CCNJL: variants seen among roughly 807,000 people sequenced by gnomAD.
CCNJL encodes cyclin-J-like protein.
In CCNJL, 33 loss-of-function variants were observed where a neutral mutation model predicts 33.4. The ratio of observed to expected loss-of-function variants is 0.99; its 90% CI spans 0.75 to 1.32. CCNJL has a LOEUF of 1.32. Ranked by LOEUF, CCNJL falls within the 40% of genes most tolerant of loss-of-function variation. The probability of loss-of-function intolerance (pLI) is 0.00; values close to 1 mark genes in which losing one functional copy is unlikely to be tolerated. For synonymous variants in CCNJL, 227 were observed against 220.9 expected (o/e 1.03, Z -0.24); for missense variants, 512 against 499.7 (o/e 1.02, Z -0.23).
intron 4 of CCNJL, among the ~76,000 whole-genome samples, chr5:160,257,848 AT>A (rs759060228): frequency 6.4e-3 from 904 of 140,678 alleles, no homozygotes; most frequent in Admixed American, 7.5e-3. Context: ...ACAATCACTG[AT>A]TTTTTTTTTT....
intron 3 of CCNJL, among the ~76,000 whole-genome samples, chr5:160,264,455 G>A (rs1159181869): frequency 1.3e-5 from 2 of 151,990 alleles, no homozygotes; most frequent in Non-Finnish European, 2.9e-5. Flanking sequence ...AGGTGAGGAT[G>A]ACCATGCATC....
At chr5:160,320,385 G>T (rs183350819) in intron 1 of CCNJL, among the ~76,000 whole-genome samples, 7 of 152,270 alleles carry the variant, frequency 4.6e-5, no homozygotes, top group South Asian at 4.2e-4. Flanking sequence ...GACACAATCT[G>T]GGGGGATAAG....
rs1261089040 is a variant in CCNJL at position 160,337,113 on chromosome 5, C to T, written n.206+2332G>A. ...CTGCCTCCTGGGCTCAAGCAATCCTCCCACCTCAGCCTTCTGAGTAGCTGG... is the reference window on the plus strand; with the variant it reads ...CTGCCTCCTGGGCTCAAGCAATCCTTCCACCTCAGCCTTCTGAGTAGCTGG... On this transcript the variant is annotated intron_variant and non_coding_transcript_variant, in intron 1 of 7. Transcript: ENST00000377503. Among the ~76,000 whole-genome samples, 3 of 150,534 alleles carry T rather than the reference C, an allele frequency of 2.0e-5. No homozygotes were observed. The East Asian group carries it at 5.9e-4, about 30-fold the overall frequency.
intron 2 of CCNJL, among the ~76,000 whole-genome samples, chr5:160,283,010 C>CACATATATAT: frequency 3.6e-5 from 1 of 27,946 alleles, no homozygotes; most frequent in Non-Finnish European, 6.0e-5. Context: ...TATATATATA[C>CACATATATAT]ATATATATAT....
At position 160,280,749 on chromosome 5, in the gene CCNJL, G is replaced by A. The variant is rs1162286402; in HGVS notation, c.67-11C>T. ...GGGCAGCTTCAGTTCCTGGAGGACAGGCGGGGCGGAGGGGTGACGGTCAGG... is the reference window on the plus strand; with the variant it reads ...GGGCAGCTTCAGTTCCTGGAGGACAAGCGGGGCGGAGGGGTGACGGTCAGG... On this transcript the variant is annotated splice_polypyrimidine_tract_variant and intron_variant, in intron 2 of 5. Coordinates refer to ENST00000257536, the MANE Select transcript of CCNJL (RefSeq NM_001308173.3). 1.9e-6 allele frequency: 3 copies of A among 1,575,662 alleles called. No homozygotes were observed. The South Asian group carries it at 3.4e-5, about 18-fold the overall frequency.
chr5:160,292,660 G>A (rs1477019139), intron 2 of CCNJL, among the ~76,000 whole-genome samples: 1 of 143,208 alleles, frequency 7.0e-6, no homozygotes, highest in Non-Finnish European at 1.5e-5. Context: ...TATGTAACAT[G>A]TGTGTGTATA....
intron 2 of CCNJL, among the ~76,000 whole-genome samples, chr5:160,295,337 A>G (rs1053062650): frequency 6.6e-6 from 1 of 152,054 alleles, no homozygotes; most frequent in Non-Finnish European, 1.5e-5. Context: ...AAAATACAAA[A>G]AATTAGCTGG....
At chr5:160,304,421 A>C (rs756841549) in intron 2 of CCNJL, among the ~76,000 whole-genome samples, 2 of 152,162 alleles carry the variant, frequency 1.3e-5, no homozygotes, top group Non-Finnish European at 2.9e-5. Flanking sequence ...TCACCTCTGC[A>C]GGTTAGACTG....
intron 1 of CCNJL, among the ~76,000 whole-genome samples, chr5:160,320,796 T>C (rs1369048902): frequency 4.8e-5 from 2 of 41,952 alleles, no homozygotes; most frequent in Admixed American, 2.3e-4. Context: ...TTCCTTTCTT[T>C]CTTTCTTTCT....
At position 160,259,658 on chromosome 5, in the gene CCNJL, G is replaced by A. The variant is rs1561773046; in HGVS notation, c.394C>T (p.Leu132=). 1 of 1,614,210 alleles carries A rather than the reference G, an allele frequency of 6.2e-7. No homozygotes were observed. Among genetic ancestry groups the A allele is most frequent in the Non-Finnish European group, 8.5e-7 (1 of 1,180,036 alleles). ...LTKKELLSTE[L]LLLEAFSWNL... Reference sequence around the variant, plus strand: ...CAGCTGAAGGCCTCCAGGAGCAGCAGCTCTGTGCTCAGCAGCTCCTTCTTG... The same window carrying A: ...CAGCTGAAGGCCTCCAGGAGCAGCAACTCTGTGCTCAGCAGCTCCTTCTTG... The change falls in exon 4 of 6, where the codon CTG becomes TTG. Residue 132 remains leucine, a synonymous_variant. Coordinates refer to ENST00000257536, the MANE Select transcript of CCNJL (RefSeq NM_001308173.3).
intron 2 of CCNJL, among the ~76,000 whole-genome samples, chr5:160,292,807 A>C (rs1762629734): frequency 6.6e-6 from 1 of 152,204 alleles, no homozygotes; most frequent in African/African-American, 2.4e-5. Context: ...AGACCCACAA[A>C]GATTGGAAGC....
In CCNJL at chr5:160,293,064, C is replaced by CA. The variant is rs532806630; in HGVS notation, c.67-12327dup. 6.6e-5 allele frequency among the ~76,000 whole-genome samples: 10 copies of CA among 152,324 alleles called. No homozygotes were observed. The South Asian group carries it at 1.9e-3, about 28-fold the overall frequency. ...TACTGTTTTCTAGACACTATGTTCTCAAAACACTGTGTTCTAACCCTCCAT... is the reference window on the plus strand; with the variant it reads ...TACTGTTTTCTAGACACTATGTTCTCAAAAACACTGTGTTCTAACCCTCCAT... On this transcript the variant is annotated intron_variant, in intron 2 of 5. Coordinates refer to ENST00000257536, the MANE Select transcript of CCNJL (RefSeq NM_001308173.3).
At chr5:160,313,284 A>G (rs1380033842), upstream of CCNJL, among the ~76,000 whole-genome samples, 2 of 152,178 alleles carry the variant, frequency 1.3e-5, no homozygotes, top group Non-Finnish European at 2.9e-5. Context: ...TGGCTGATTG[A>G]TTTTTGTGAT....
chr5:160,326,539 C>T (rs949943833), intron 1 of CCNJL, among the ~76,000 whole-genome samples: 3 of 146,076 alleles, frequency 2.1e-5, no homozygotes, highest in African/African-American at 7.6e-5. Flanking sequence ...AAGGCAATCT[C>T]TAAAATAAAT....
intron 2 of CCNJL, among the ~76,000 whole-genome samples, chr5:160,300,554 T>C (rs532019293): frequency 2.6e-5 from 4 of 152,262 alleles, no homozygotes; most frequent in African/African-American, 9.6e-5. Context: ...TTTTTTTAGC[T>C]CATCAATTAT....
intron 2 of CCNJL, among the ~76,000 whole-genome samples, chr5:160,298,418 G>A (rs1294889935): frequency 6.6e-6 from 1 of 152,130 alleles, no homozygotes; most frequent in African/African-American, 2.4e-5. Context: ...GGGCTGCACA[G>A]CACAGACTTC....
intron 1 of CCNJL, among the ~76,000 whole-genome samples, chr5:160,324,811 T>C (rs1263631604): frequency 6.6e-6 from 1 of 152,218 alleles, no homozygotes; most frequent in Non-Finnish European, 1.5e-5. Flanking sequence ...AATCTTTCTG[T>C]TGATGTCTTA....
intron 2 of CCNJL, among the ~76,000 whole-genome samples, chr5:160,281,805 T>G (rs916993327): frequency 6.6e-6 from 1 of 152,050 alleles, no homozygotes; most frequent in African/African-American, 2.4e-5. Context: ...CATTCATCAC[T>G]GCACCCAGCT....
chr5:160,302,064 T>C (rs1273590977), intron 2 of CCNJL, among the ~76,000 whole-genome samples: 3 of 152,182 alleles, frequency 2.0e-5, no homozygotes, highest in African/African-American at 7.2e-5. Context: ...TACATGAGTA[T>C]ATACATTTGT....
Sources: gnomAD v4.1 joint callset for allele counts (sites outside exome capture counted in the v4.1 genomes callset) on GRCh38, gnomAD v4.1.1 for gene constraint, MANE v1.5 for transcripts, NCBI Gene and HGNC (gene_info 2026-07-23, HGNC 2026-07-21) for gene names.